Variants in SEM1 observed in about 807,000 individuals in gnomAD.
SEM1 encodes 26S proteasome complex subunit SEM1.
A neutral mutation model predicts 12.7 loss-of-function variants in SEM1; 3 were observed. That is an observed-to-expected ratio of 0.24 (90% confidence interval 0.11 to 0.61). SEM1 has a LOEUF of 0.61. Among genes scored for constraint, SEM1 ranks in the 20% least tolerant of loss-of-function variants. The pLI is 0.88. For missense variants in SEM1, 59 were observed against 81.3 expected (o/e 0.73, Z 1.06); for synonymous variants, 30 against 27.8 (o/e 1.08, Z -0.25).
At chr7:96,532,619 T>G (rs1000481601) in intron 2 of SEM1, among the ~76,000 whole-genome samples, 1 of 152,130 alleles carries the variant, frequency 6.6e-6, no homozygotes, top group Non-Finnish European at 1.5e-5. Context: ...TTCTTGCACC[T>G]GCATGAGGCT....
chr7:96,496,328 A>G, exon 1 of SEM1: 4 of 1,496,322 alleles, frequency 2.7e-6, no homozygotes, highest in Non-Finnish European at 2.7e-6. Context: ...GCATCATCTG[A>G]TGTATTTGTT....
chr7:96,632,795 T>G (rs2116345961), intron 2 of SEM1, among the ~76,000 whole-genome samples: 1 of 150,538 alleles, frequency 6.6e-6, no homozygotes, highest in South Asian at 2.1e-4. Flanking sequence ...TTTTTTTTTT[T>G]TTTTTGGCAG....
At chr7:96,709,025 G>A (rs1790559939) in intron 1 of SEM1, among the ~76,000 whole-genome samples, 1 of 152,056 alleles carries the variant, frequency 6.6e-6, no homozygotes, top group East Asian at 1.9e-4. Context: ...ATGTTGCCCA[G>A]GCTGGTCTTG....
At chr7:96,496,528 G>A (rs1308715333), upstream of SEM1, among the ~76,000 whole-genome samples, 1 of 152,026 alleles carries the variant, frequency 6.6e-6, no homozygotes, top group Non-Finnish European at 1.5e-5. Context: ...TAATTATGAA[G>A]AGGTTGATAT....
chr7:96,643,162 C>G (rs970450484), intron 2 of SEM1, among the ~76,000 whole-genome samples: 4 of 151,972 alleles, frequency 2.6e-5, no homozygotes, highest in Non-Finnish European at 5.9e-5. Context: ...TCCATGTGTT[C>G]TCATCATTTC....
chr7:96,644,231 T>C (rs1237250743), intron 2 of SEM1, among the ~76,000 whole-genome samples: 1 of 152,102 alleles, frequency 6.6e-6, no homozygotes, highest in African/African-American at 2.4e-5. Flanking sequence ...TCCATAATTT[T>C]TTGTTGGAGC....
At chr7:96,687,002 A>C (rs1789777644), downstream of SEM1, among the ~76,000 whole-genome samples, 1 of 152,254 alleles carries the variant, frequency 6.6e-6, no homozygotes, top group Non-Finnish European at 1.5e-5. Flanking sequence ...TCTCAAAAGA[A>C]GACATTTATG....
intron 2 of SEM1, among the ~76,000 whole-genome samples, chr7:96,542,518 C>A (rs1043361140): frequency 6.6e-6 from 1 of 151,728 alleles, no homozygotes; most frequent in East Asian, 1.9e-4. Flanking sequence ...AGGGTGAAAA[C>A]CCTATTATCT....
At chr7:96,707,138 T>C (rs1236634043) in intron 1 of SEM1, among the ~76,000 whole-genome samples, 1 of 152,190 alleles carries the variant, frequency 6.6e-6, no homozygotes, top group Admixed American at 6.5e-5. Flanking sequence ...AGGTCTAGGT[T>C]TGAGGAATGA....
intron 2 of SEM1, among the ~76,000 whole-genome samples, chr7:96,520,052 G>C (rs1165380460): frequency 1.3e-5 from 2 of 152,098 alleles, no homozygotes; most frequent in Non-Finnish European, 2.9e-5. Flanking sequence ...TTGATGGATT[G>C]CAAGAAGGGA....
intron 2 of SEM1, among the ~76,000 whole-genome samples, chr7:96,564,159 T>A (rs1200468227): frequency 6.6e-6 from 1 of 152,132 alleles, no homozygotes; most frequent in East Asian, 1.9e-4. Context: ...TTAGAAGTTA[T>A]TTATTATATT....
intron 2 of SEM1, among the ~76,000 whole-genome samples, chr7:96,538,230 T>C (rs1804847342): frequency 6.6e-6 from 1 of 151,838 alleles, no homozygotes; most frequent in African/African-American, 2.4e-5. Flanking sequence ...GTCTTTAACA[T>C]ATTAAGCATA....
At chr7:96,526,731 C>G (rs1395549580) in intron 2 of SEM1, among the ~76,000 whole-genome samples, 2 of 152,114 alleles carry the variant, frequency 1.3e-5, no homozygotes, top group Non-Finnish European at 2.9e-5. Context: ...AAGCCCTCCC[C>G]TCTCCTTTCT....
At chr7:96,673,267 C>G (rs1045360904), downstream of SEM1, 1 of 155,002 alleles carries the variant, frequency 6.5e-6, no homozygotes, top group Non-Finnish European at 1.4e-5. Flanking sequence ...AGGCATGCAC[C>G]ACCATGCCTG....
At chr7:96,548,978 T>C (rs1178149259) in intron 2 of SEM1, among the ~76,000 whole-genome samples, 8 of 152,144 alleles carry the variant, frequency 5.3e-5, no homozygotes, top group African/African-American at 1.7e-4. Context: ...TCAGAGCTCG[T>C]ACTGTATTGA....
chr7:96,709,149 A>C (rs1029874088), intron 1 of SEM1, among the ~76,000 whole-genome samples: 3 of 152,056 alleles, frequency 2.0e-5, no homozygotes, highest in African/African-American at 4.8e-5. Flanking sequence ...AAGTTAGGTC[A>C]CAGTTAAGTG....
downstream of SEM1, chr7:96,673,096 ATTTTTATTTTTAT>A (rs1300016322): frequency 6.6e-6 from 1 of 151,982 alleles, no homozygotes; most frequent in Non-Finnish European, 1.5e-5. Flanking sequence ...ATTTCTTCTA[ATTTTTATTTTTAT>A]TTTTTATTTT....
chr7:96,594,624 GT>G (rs1350923247), intron 2 of SEM1, among the ~76,000 whole-genome samples: 6 of 152,212 alleles, frequency 3.9e-5, no homozygotes, highest in African/African-American at 1.4e-4. Context: ...AATATTAAGT[GT>G]TTTTTGTTAA....
chr7:96,633,415 A>C (rs1199627027), intron 2 of SEM1, among the ~76,000 whole-genome samples: 1 of 152,120 alleles, frequency 6.6e-6, no homozygotes, highest in East Asian at 1.9e-4. Flanking sequence ...TCCACATTTA[A>C]ACCTTCTTTT....
Sources: gnomAD v4.1 joint callset for allele counts (sites outside exome capture counted in the v4.1 genomes callset) on GRCh38, gnomAD v4.1.1 for gene constraint, MANE v1.5 for transcripts, NCBI Gene and HGNC (gene_info 2026-07-23, HGNC 2026-07-21) for gene names.